Variants in GRID1 observed in about 807,000 individuals in gnomAD.
The protein encoded by GRID1 is glutamate receptor ionotropic, delta-1.
In GRID1, 28 loss-of-function variants were observed where a neutral mutation model predicts 98.0. The ratio of observed to expected loss-of-function variants is 0.29; its 90% CI spans 0.21 to 0.39. GRID1 has a LOEUF of 0.39. Ranked by LOEUF, GRID1 falls within the 10% of genes least tolerant of loss-of-function variation. The pLI is 1.00. For missense variants in GRID1, 1,111 were observed against 1,340.5 expected (o/e 0.83, Z 2.67); for synonymous variants, 553 against 538.5 (o/e 1.03, Z -0.37).
chr10:85,832,611 T>A (rs1003266478), intron 8 of GRID1, among the ~76,000 whole-genome samples: 1 of 151,926 alleles, frequency 6.6e-6, no homozygotes, highest in African/African-American at 2.4e-5. Flanking sequence ...CTGGAAATAA[T>A]GCAAAAGGCA....
At chr10:85,754,378 T>C (rs539886278) in intron 8 of GRID1, among the ~76,000 whole-genome samples, 3 of 152,170 alleles carry the variant, frequency 2.0e-5, no homozygotes, top group Non-Finnish European at 2.9e-5. Flanking sequence ...ATGTCTGGTC[T>C]AGAAGGGAGA....
chr10:85,606,246 TATC>T (rs1349992257), intron 15 of GRID1: 1 of 152,214 alleles, frequency 6.6e-6, no homozygotes, highest in East Asian at 1.9e-4. Context: ...CTACTGCAGT[TATC>T]ATTCGCCTTT....
intron 4 of GRID1, among the ~76,000 whole-genome samples, chr10:86,106,207 G>A (rs533178535): frequency 3.9e-5 from 6 of 151,926 alleles, no homozygotes; most frequent in South Asian, 2.1e-4. Flanking sequence ...ACTGAACACC[G>A]TCAAAAAAAA....
chr10:85,865,988 GA>G (rs1843217549), intron 6 of GRID1, among the ~76,000 whole-genome samples: 4 of 130,450 alleles, frequency 3.1e-5, no homozygotes, highest in African/African-American at 6.3e-5. Context: ...GAGAGAGAGA[GA>G]GAGAGAGAGG....
rs915431921 is a variant in GRID1, at chr10:86,192,302, T to G, written c.520+14062A>C. ...CAACCCTTAAGTGTCCATCGATGGA[T>G]GAATAGGTCAATAAAATTCTGTCTA... On this transcript the variant is annotated intron_variant, in intron 3 of 15. Transcript: ENST00000327946. This position sits in a 1 kb window ranked among gnomAD's most constrained non-coding sequence, Gnocchi z 4.8. 2.6e-5 allele frequency among the ~76,000 whole-genome samples: 4 copies of G among 152,150 alleles called. No individual in the cohort carries two copies. The highest frequency in any genetic ancestry group is 7.2e-5 in the African/African-American group (3 of 41,426).
chr10:86,182,429 G>T (rs564435544), intron 3 of GRID1, among the ~76,000 whole-genome samples: 2 of 152,350 alleles, frequency 1.3e-5, no homozygotes, highest in South Asian at 4.1e-4. Flanking sequence ...CCCCAGCACG[G>T]CAGCCTGGTG....
chr10:85,741,890 T>C (rs1841946916), intron 8 of GRID1, among the ~76,000 whole-genome samples: 1 of 152,118 alleles, frequency 6.6e-6, no homozygotes, highest in African/African-American at 2.4e-5. Context: ...TTAGGAACTT[T>C]GTGTATATCC....
chr10:85,938,322 T>G (rs1008236106), intron 4 of GRID1, among the ~76,000 whole-genome samples: 13 of 152,226 alleles, frequency 8.5e-5, no homozygotes, highest in Non-Finnish European at 1.5e-5. Context: ...AGCATCTAAG[T>G]GCTCGGATGG....
chr10:86,168,364 A>G (rs1024995095), intron 3 of GRID1, among the ~76,000 whole-genome samples: 2 of 152,008 alleles, frequency 1.3e-5, no homozygotes, highest in Non-Finnish European at 2.9e-5. Flanking sequence ...GCGTGACCCC[A>G]GGCTGGGAAA....
intron 2 of GRID1, among the ~76,000 whole-genome samples, chr10:86,317,942 C>T (rs1048936708): frequency 3.3e-5 from 5 of 152,078 alleles, no homozygotes; most frequent in Non-Finnish European, 1.5e-5. Flanking sequence ...AGGGTATTGC[C>T]GTTGCCCAGG....
intron 4 of GRID1, among the ~76,000 whole-genome samples, chr10:85,928,044 AC>A (rs1841800287): frequency 6.6e-6 from 1 of 152,120 alleles, no homozygotes; most frequent in African/African-American, 2.4e-5. Context: ...AGAAAAAGGA[AC>A]CTGATGTGAC....
At chr10:86,359,665 A>G (rs1276399362) in intron 2 of GRID1, among the ~76,000 whole-genome samples, 1 of 152,236 alleles carries the variant, frequency 6.6e-6, no homozygotes, top group Non-Finnish European at 1.5e-5. Context: ...GTATATCTAC[A>G]GCATATCTAA....
chr10:85,659,290 C>T (rs1840938220), intron 12 of GRID1, among the ~76,000 whole-genome samples: 1 of 152,164 alleles, frequency 6.6e-6, no homozygotes, highest in South Asian at 2.1e-4. Flanking sequence ...GAGGAGAGTG[C>T]TGCTGGAGGG....
intron 14 of GRID1, among the ~76,000 whole-genome samples, chr10:85,617,898 G>A (rs1842810138): frequency 6.6e-6 from 1 of 152,082 alleles, no homozygotes; most frequent in Admixed American, 6.5e-5. Context: ...CCTGGTCTCT[G>A]GAAACACACA....
chr10:85,653,779 C>G (rs565225090), intron 12 of GRID1, among the ~76,000 whole-genome samples: 1 of 152,116 alleles, frequency 6.6e-6, no homozygotes, highest in African/African-American at 2.4e-5. Context: ...AGCTGGGATG[C>G]GAGTAGGCTT....
At chr10:86,147,110 T>C (rs1417966376) in intron 3 of GRID1, among the ~76,000 whole-genome samples, 1 of 152,148 alleles carries the variant, frequency 6.6e-6, no homozygotes, top group East Asian at 1.9e-4. Flanking sequence ...GGGCTACTGC[T>C]CTAAGTCTAC....
chr10:86,289,989 G>T (rs1026434052), intron 2 of GRID1, among the ~76,000 whole-genome samples: 3 of 152,212 alleles, frequency 2.0e-5, no homozygotes, highest in Admixed American at 6.5e-5. Flanking sequence ...ACAAGACACC[G>T]CGAGGGAGCA....
chr10:86,321,365 G>A (rs1416099124), intron 2 of GRID1, among the ~76,000 whole-genome samples: 2 of 152,130 alleles, frequency 1.3e-5, no homozygotes, highest in African/African-American at 2.4e-5. Context: ...GTCACATTCT[G>A]CCTCTTCCCA....
At chr10:85,614,140 T>C (rs763461560) in intron 14 of GRID1, among the ~76,000 whole-genome samples, 3 of 152,242 alleles carry the variant, frequency 2.0e-5, no homozygotes, top group Non-Finnish European at 4.4e-5. Flanking sequence ...TTCTGTGCTT[T>C]GCCTAGTATG....
Sources: allele counts gnomAD v4.1 joint callset (sites outside exome capture counted in the v4.1 genomes callset), GRCh38; gene constraint gnomAD v4.1.1; non-coding constraint Gnocchi (gnomAD v3.1); transcripts MANE v1.5; gene names NCBI Gene and HGNC (gene_info 2026-07-23, HGNC 2026-07-21).